Variants in NEBL observed in about 807,000 individuals in gnomAD.
NEBL encodes nebulette.
Under a neutral mutation model 140.2 loss-of-function variants are expected in NEBL, and 122 were observed. The ratio of observed to expected loss-of-function variants is 0.87; its 90% confidence interval spans 0.75 to 1.01. The LOEUF (loss-of-function observed/expected upper bound fraction) is 1.01, where lower values mean the gene tolerates loss of function less well. NEBL is among the 50% of genes least tolerant of loss of function. The pLI is 0.00. For missense variants in NEBL, 1,365 were observed against 1,231.3 expected (o/e 1.11, Z -1.62); for synonymous variants, 436 against 398.9 (o/e 1.09, Z -1.11).
chr10:21,204,441 TTCTC>T (rs144254048), intron 3 of NEBL, among the ~76,000 whole-genome samples: 2 of 150,744 alleles, frequency 1.3e-5, no homozygotes, highest in African/African-American at 4.9e-5. Flanking sequence ...CTCTCTTTCT[TTCTC>T]TCTCTCTCTC....
intron 4 of NEBL, among the ~76,000 whole-genome samples, chr10:20,952,440 G>GAA (rs71390801): frequency 1.6e-3 from 158 of 101,730 alleles, no homozygotes; most frequent in African/African-American, 5.6e-3. Context: ...CTGTCTGAAG[G>GAA]AAAAAAAAAA....
intron 11 of NEBL, 134 bp from the exon 12 acceptor site, chr10:20,845,502 C>A (rs2131008509): frequency 1.6e-6 from 1 of 616,640 alleles, no homozygotes. Context: ...ATCCTATCAA[C>A]AGGGAAATAA....
chr10:20,923,585 A>G (rs1450049512), intron 4 of NEBL, among the ~76,000 whole-genome samples: 1 of 142,894 alleles, frequency 7.0e-6, no homozygotes, highest in Non-Finnish European at 1.5e-5. Context: ...AGGCTGAGTC[A>G]GGAGAATCGC....
chr10:21,201,465 A>T (rs1414811233), intron 3 of NEBL, among the ~76,000 whole-genome samples: 1 of 152,238 alleles, frequency 6.6e-6, no homozygotes, highest in African/African-American at 2.4e-5. Context: ...GGTAGGAAGC[A>T]GGGATGGATA....
At chr10:21,279,424 G>A (rs897995536) in intron 1 of NEBL, among the ~76,000 whole-genome samples, 2 of 150,528 alleles carry the variant, frequency 1.3e-5, no homozygotes, top group Non-Finnish European at 2.9e-5. Context: ...GCCTACTAAA[G>A]CACTGGGATT....
At chr10:21,034,541 A>T (rs1833938776) in intron 2 of NEBL, among the ~76,000 whole-genome samples, 1 of 152,228 alleles carries the variant, frequency 6.6e-6, no homozygotes, top group South Asian at 2.1e-4. Flanking sequence ...TACTTATTTG[A>T]CAATTTGCAG....
chr10:21,251,118 T>C (rs1842582965), intron 2 of NEBL, among the ~76,000 whole-genome samples: 1 of 152,032 alleles, frequency 6.6e-6, no homozygotes, highest in Admixed American at 6.5e-5. Flanking sequence ...CAAGATTGTA[T>C]TATTTTTGCT....
At chr10:20,980,326 T>C (rs977134197) in intron 3 of NEBL, among the ~76,000 whole-genome samples, 3 of 150,586 alleles carry the variant, frequency 2.0e-5, no homozygotes, top group African/African-American at 7.4e-5. Context: ...GTTTTTTTTG[T>C]TCCAGAACAA....
At chr10:21,214,157 T>C (rs1841955169) in intron 3 of NEBL, among the ~76,000 whole-genome samples, 2 of 151,350 alleles carry the variant, frequency 1.3e-5, no homozygotes, top group Non-Finnish European at 1.5e-5. Flanking sequence ...ATAATATATA[T>C]GTATAAGTAT....
At chr10:21,224,157 T>G (rs1842112817) in intron 3 of NEBL, among the ~76,000 whole-genome samples, 1 of 152,240 alleles carries the variant, frequency 6.6e-6, no homozygotes, top group African/African-American at 2.4e-5. Context: ...AGCTTAGATT[T>G]AAGTTTTTAA....
intron 1 of NEBL, among the ~76,000 whole-genome samples, chr10:21,254,264 A>T (rs770623648): frequency 1.3e-5 from 2 of 152,034 alleles, no homozygotes; most frequent in Non-Finnish European, 2.9e-5. Context: ...CAGCCTTCCA[A>T]ATAGCTGGGG....
intron 1 of NEBL, among the ~76,000 whole-genome samples, chr10:21,268,776 C>T (rs1268545541): frequency 1.3e-5 from 2 of 151,956 alleles, no homozygotes; most frequent in African/African-American, 2.4e-5. Flanking sequence ...CCACCCGCCT[C>T]GGCCTCCCAA....
chr10:21,072,457 G>A (rs1276512862), intron 2 of NEBL, among the ~76,000 whole-genome samples: 1 of 152,214 alleles, frequency 6.6e-6, no homozygotes, highest in Non-Finnish European at 1.5e-5. Flanking sequence ...CTACATGAGA[G>A]GTGCCACTTT....
intron 18 of NEBL, among the ~76,000 whole-genome samples, chr10:20,825,653 G>A: frequency 6.7e-6 from 1 of 149,122 alleles, no homozygotes; most frequent in Non-Finnish European, 1.5e-5. Flanking sequence ...AACAAAGCAA[G>A]ACTCTGTCTC....
intron 3 of NEBL, among the ~76,000 whole-genome samples, chr10:21,212,351 G>T (rs922641643): frequency 6.6e-6 from 1 of 151,998 alleles, no homozygotes; most frequent in African/African-American, 2.4e-5. Flanking sequence ...GACAAACAAA[G>T]ATTTCCCAAT....
chr10:20,910,732 T>C (rs1248222903), intron 4 of NEBL, among the ~76,000 whole-genome samples: 1 of 152,178 alleles, frequency 6.6e-6, no homozygotes, highest in African/African-American at 2.4e-5. Flanking sequence ...ACCTATCTAC[T>C]AATCACCAGG....
chr10:21,108,182 G>A (rs1393747738), intron 2 of NEBL, among the ~76,000 whole-genome samples: 1 of 152,072 alleles, frequency 6.6e-6, no homozygotes, highest in Non-Finnish European at 1.5e-5. Flanking sequence ...TCTGATCTTA[G>A]TTATTTCTTG....
At chr10:21,269,149 T>C (rs971887056) in intron 1 of NEBL, among the ~76,000 whole-genome samples, 8 of 152,198 alleles carry the variant, frequency 5.3e-5, no homozygotes, top group Non-Finnish European at 7.3e-5. Flanking sequence ...TCTTCTCCCA[T>C]TGTGGCTTTC....
chr10:20,877,726 G>A (rs1254026765), intron 5 of NEBL, among the ~76,000 whole-genome samples: 1 of 152,138 alleles, frequency 6.6e-6, no homozygotes, highest in Non-Finnish European at 1.5e-5. Context: ...TAATTAGGGC[G>A]GAGCAAACAG....
Sources: allele counts gnomAD v4.1 joint callset (sites outside exome capture counted in the v4.1 genomes callset), GRCh38; gene constraint gnomAD v4.1.1; transcripts MANE v1.5; gene names NCBI Gene and HGNC (gene_info 2026-07-23, HGNC 2026-07-21).